Variants in NGEF observed in about 807,000 individuals in gnomAD.
The protein encoded by NGEF is ephexin-1.
Under a neutral mutation model 80.9 loss-of-function variants are expected in NGEF, and 31 were observed. The observed-to-expected ratio is 0.38, with a 90% CI of 0.29 to 0.52. The LOEUF (loss-of-function observed/expected upper bound fraction) is 0.52. NGEF is among the 20% of genes least tolerant of loss of function. NGEF has a pLI of 0.84. For missense variants in NGEF, 709 were observed against 926.2 expected, an observed-to-expected ratio of 0.77 and a Z score of 3.04; for synonymous variants, 371 against 370.2, an observed-to-expected ratio of 1.00 and a Z score of -0.03.
intron 5 of NGEF, among the ~76,000 whole-genome samples, chr2:232,896,263 G>T (rs976288182): frequency 6.6e-6 from 1 of 152,136 alleles, no homozygotes; most frequent in Non-Finnish European, 1.5e-5. Context: ...CCAATAATGG[G>T]TGTCTTTATA....
intron 1 of NGEF, among the ~76,000 whole-genome samples, chr2:232,983,172 T>C (rs560306586): frequency 2.0e-5 from 3 of 151,386 alleles, no homozygotes; most frequent in African/African-American, 4.9e-5. Flanking sequence ...AATTCAGAAA[T>C]TGGGGAGCCA....
At chr2:232,964,121 C>A (rs986884862) in intron 3 of NGEF, among the ~76,000 whole-genome samples, 5 of 152,138 alleles carry the variant, frequency 3.3e-5, no homozygotes, top group African/African-American at 1.2e-4. Context: ...GCAACTGGAA[C>A]CTTGATGCCT....
intron 3 of NGEF, among the ~76,000 whole-genome samples, chr2:232,961,230 C>G (rs1379809778): frequency 1.3e-5 from 2 of 152,144 alleles, no homozygotes; most frequent in Non-Finnish European, 2.9e-5. Context: ...CTGCCTCTAG[C>G]CCCCACCGTT....
chr2:232,975,091 T>C (rs978242562), intron 1 of NGEF, 127 bp from the exon 2 acceptor site: 6 of 572,992 alleles, frequency 1.0e-5, no homozygotes, highest in Non-Finnish European at 1.5e-5. Context: ...GGTATCCACG[T>C]CTTCGCCACT....
At chr2:233,003,007 T>C (rs1161236421) in intron 1 of NGEF, among the ~76,000 whole-genome samples, 1 of 152,070 alleles carries the variant, frequency 6.6e-6, no homozygotes, top group Admixed American at 6.6e-5. Context: ...AGAGTGTGTG[T>C]TTGTTCAGGT....
At chr2:232,997,887 G>C (rs1457837170) in intron 1 of NGEF, among the ~76,000 whole-genome samples, 1 of 152,202 alleles carries the variant, frequency 6.6e-6, no homozygotes, top group African/African-American at 2.4e-5. Context: ...AGCGTTACCA[G>C]CAGGTCCACC....
intron 1 of NGEF, among the ~76,000 whole-genome samples, chr2:232,977,481 G>C (rs940210091): frequency 1.3e-5 from 2 of 152,190 alleles, no homozygotes; most frequent in African/African-American, 2.4e-5. Context: ...TGAGGTTTTA[G>C]AGTTCAGTGA....
chr2:232,975,353 A>G (rs954526), intron 1 of NGEF, among the ~76,000 whole-genome samples: 92,356 of 152,062 alleles, frequency 0.61, 29,667 homozygotes, highest in African/African-American at 0.79. Flanking sequence ...AGAAGATGAG[A>G]AAGGGTTGTG....
intron 3 of NGEF, among the ~76,000 whole-genome samples, chr2:232,937,496 G>C (rs1403337119): frequency 6.6e-6 from 1 of 152,200 alleles, no homozygotes; most frequent in Admixed American, 6.5e-5. Context: ...CCAGATGAAA[G>C]CTGAGTCACT....
At chr2:232,957,471 C>A (rs766764294) in intron 3 of NGEF, among the ~76,000 whole-genome samples, 1 of 152,094 alleles carries the variant, frequency 6.6e-6, no homozygotes, top group Admixed American at 6.6e-5. Flanking sequence ...TACAGGCACC[C>A]GCCACCACAC....
At chr2:233,003,018 C>T (rs528334996) in intron 1 of NGEF, among the ~76,000 whole-genome samples, 50 of 152,300 alleles carry the variant, frequency 3.3e-4, no homozygotes, top group African/African-American at 1.1e-3. Flanking sequence ...TTGTTCAGGT[C>T]TAGGGGGAGG....
At chr2:232,964,055 G>A (rs570768641) in intron 3 of NGEF, among the ~76,000 whole-genome samples, 1 of 152,194 alleles carries the variant, frequency 6.6e-6, no homozygotes, top group Non-Finnish European at 1.5e-5. Flanking sequence ...CCACAATACA[G>A]TAAGACAGAT....
At chr2:232,980,848 G>A (rs1225187458) in intron 1 of NGEF, among the ~76,000 whole-genome samples, 2 of 152,146 alleles carry the variant, frequency 1.3e-5, no homozygotes, top group Non-Finnish European at 1.5e-5. Context: ...AAGTCCTAGG[G>A]GAACACCGCC....
Position 232,995,424 on chromosome 2 carries a change from GTATACTGTA to G in NGEF, c.-75+17635_-75+17643del, listed in dbSNP as rs148673310. Among the ~76,000 whole-genome samples the G allele has an allele frequency of 3.7e-3, 56 of 15,274 alleles. 26 individuals are homozygous for G. Among genetic ancestry groups the G allele is most frequent in the African/African-American group, 8.9e-3 (54 of 6,036 alleles). The allele number at this position is 15,274 out of a possible 152,430, so 10.0% of individuals were successfully genotyped here. A position where few individuals can be genotyped will look rare whatever the true frequency, so the allele number is the denominator to read the frequency against. On this transcript the variant is annotated intron_variant, in intron 1 of 14. Coordinates refer to ENST00000264051, the MANE Select transcript of NGEF (RefSeq NM_019850.3). Reference sequence around the variant, plus strand: ...TATATATATACACAGTATGTATACTGTATACTGTATATATATACACAGTATGTATACTGA... The same window carrying G: ...TATATATATACACAGTATGTATACTGTATATATACACAGTATGTATACTGA...
rs528745531 is a variant in NGEF at position 232,956,425 on chromosome 2, C to T, written c.383+13789G>A. On this transcript the variant is annotated intron_variant, in intron 3 of 14. Coordinates refer to ENST00000264051, the MANE Select transcript of NGEF (RefSeq NM_019850.3). ...TGTGACTAACAGAAGAAACAGTTAACTAATATTATCCATAAAGTATTGATA... is the reference window on the plus strand; with the variant it reads ...TGTGACTAACAGAAGAAACAGTTAATTAATATTATCCATAAAGTATTGATA... Among the ~76,000 whole-genome samples the T allele has an allele frequency of 1.5e-4, 23 of 151,920 alleles. No homozygotes were observed. The East Asian group carries it at 4.4e-3, about 29-fold the overall frequency.
At chr2:232,879,723 G>A (rs760442565) in intron 14 of NGEF, 44 bp from the exon 15 acceptor site, 2 of 1,556,150 alleles carry the variant, frequency 1.3e-6, no homozygotes, top group South Asian at 2.3e-5. Flanking sequence ...CTCCTGCAGG[G>A]CACAGGCTGC....
chr2:232,912,341 C>T (rs1189865048), intron 5 of NGEF, among the ~76,000 whole-genome samples: 3 of 152,092 alleles, frequency 2.0e-5, no homozygotes, highest in Admixed American at 6.5e-5. Context: ...TTTAACTAAC[C>T]TTGCATTCCC....
intron 9 of NGEF, among the ~76,000 whole-genome samples, chr2:232,885,946 G>A (rs778088893): frequency 1.3e-5 from 2 of 152,212 alleles, no homozygotes; most frequent in African/African-American, 2.4e-5. Context: ...AGCCATCAGT[G>A]GATTCGATTA....
At chr2:232,894,686 A>G in intron 6 of NGEF, 70 bp downstream of exon 6, 1 of 1,372,222 alleles carries the variant, frequency 7.3e-7, no homozygotes, top group South Asian at 1.8e-5. Context: ...ACTTGTCATC[A>G]GTGTCTCAAG....
Sources: gnomAD v4.1 joint callset for allele counts (sites outside exome capture counted in the v4.1 genomes callset) on GRCh38, gnomAD v4.1.1 for gene constraint, MANE v1.5 for transcripts, NCBI Gene and HGNC (gene_info 2026-07-23, HGNC 2026-07-21) for gene names.